Variants in KIF5A observed in about 807,000 individuals in gnomAD.
The protein encoded by KIF5A is kinesin family member 5A.
Under a neutral mutation model 141.3 loss-of-function variants are expected in KIF5A, and 35 were observed. That is an observed-to-expected ratio of 0.25 (90% CI 0.19 to 0.33). The LOEUF (loss-of-function observed/expected upper bound fraction) is 0.33. Among genes scored for constraint, KIF5A ranks in the 10% least tolerant of loss-of-function variants. The pLI is 1.00. For missense variants in KIF5A, 861 were observed against 1,314.3 expected (o/e 0.66, Z 5.33); for synonymous variants, 448 against 500.2 (o/e 0.90, Z 1.39).
chr12:57,578,379 G>T, intron 23 of KIF5A, 37 bp downstream of exon 23: 1 of 1,443,198 alleles, frequency 6.9e-7, no homozygotes, highest in Non-Finnish European at 9.8e-7. Context: ...GAATTTTTGA[G>T]GCCGGGTAGC....
intron 15 of KIF5A, among the ~76,000 whole-genome samples, chr12:57,573,988 C>T (rs929330075): frequency 1.3e-5 from 2 of 149,384 alleles, no homozygotes; most frequent in African/African-American, 4.9e-5. Flanking sequence ...GAGGCTGAGG[C>T]AGGAGAATGG....
At chr12:57,562,580 A>G (rs1002782203) in intron 1 of KIF5A, among the ~76,000 whole-genome samples, 8 of 152,204 alleles carry the variant, frequency 5.3e-5, no homozygotes, top group South Asian at 2.1e-4. Context: ...CTGATTTCAT[A>G]TATTCCTTTC....
chr12:57,578,385 G>A, intron 23 of KIF5A, 43 bp downstream of exon 23: 1 of 1,365,320 alleles, frequency 7.3e-7, no homozygotes, highest in Admixed American at 1.7e-5. Context: ...TTGAGGCCGG[G>A]TAGCTAGCAT....
At position 57,572,159 on chromosome 12, in the gene KIF5A, G is replaced by C. The variant is rs750932223; in HGVS notation, c.1461G>C (p.Val487=). ...CCGCTAAGGATGAGGTGAAGGAAGTGCTGCAGGCCCTGGAGGAGCTGGCTG... is the reference window on the plus strand; with the variant it reads ...CCGCTAAGGATGAGGTGAAGGAAGTCCTGCAGGCCCTGGAGGAGCTGGCTG... ...NDAAKDEVKE[V]LQALEELAVN... The change falls in exon 14 of 29, where the codon GTG becomes GTC. Residue 487 remains valine, a synonymous_variant. Transcript: ENST00000455537. This position sits in a 1 kb window ranked among gnomAD's most constrained non-coding sequence, Gnocchi z 4.2. The C allele has an allele frequency of 1.9e-6, 3 of 1,613,996 alleles. No homozygotes were observed. Among genetic ancestry groups the C allele is most frequent in the Non-Finnish European group, 2.5e-6 (3 of 1,180,004 alleles).
rs1315133685 is a variant in KIF5A at position 57,583,221 on chromosome 12, G to A, written c.*36+6G>A. ...CTGCATACCTGCACTTTCAGGTAGCGTCAGGCTGCTTCCTCGGACCAGCCT... is the reference window on the plus strand; with the variant it reads ...CTGCATACCTGCACTTTCAGGTAGCATCAGGCTGCTTCCTCGGACCAGCCT... On this transcript the variant is annotated splice_donor_region_variant and intron_variant, in intron 28 of 28. Transcript: ENST00000455537. 4 of 1,552,004 alleles carry A rather than the reference G, an allele frequency of 2.6e-6. No homozygotes were observed. Among genetic ancestry groups the A allele is most frequent in the East Asian group, 4.6e-5 (2 of 43,828 alleles).
chr12:57,563,609 G>C lies in KIF5A; in HGVS notation c.218-11G>C. 4 of 1,613,930 alleles carry C rather than the reference G, an allele frequency of 2.5e-6. No individual in the cohort carries two copies. The highest frequency in any genetic ancestry group is 2.5e-6 in the Non-Finnish European group (3 of 1,179,876). ...TCTCCACCAGTACTCTTTCTCTACT[G>C]TCTCTTCCAGATGTCCTTGCTGGCT... On this transcript the variant is annotated splice_polypyrimidine_tract_variant and intron_variant, in intron 2 of 28. Coordinates refer to ENST00000455537, the MANE Select transcript of KIF5A (RefSeq NM_004984.4).
chr12:57,569,530 C>T lies in KIF5A; in HGVS notation c.969-5C>T, dbSNP rs1372832697. On this transcript the variant is annotated splice_region_variant and splice_polypyrimidine_tract_variant and intron_variant, in intron 10 of 28. Coordinates refer to ENST00000455537, the MANE Select transcript of KIF5A (RefSeq NM_004984.4). ...CATTTCTTTGTTCCTCTTCTCCTCA[C>T]CCAGGGCAAAGACCATTAAGAACAC... is the stretch of plus-strand genomic sequence containing the variant. 2 of 1,614,126 alleles carry T rather than the reference C, an allele frequency of 1.2e-6. No homozygotes were observed. Among genetic ancestry groups the T allele is most frequent in the Admixed American group, 1.7e-5 (1 of 60,018 alleles).
intron 12 of KIF5A, 80 bp from the exon 13 acceptor site, chr12:57,571,241 G>C (rs1882245691): frequency 1.2e-6 from 1 of 850,422 alleles, no homozygotes; most frequent in African/African-American, 1.7e-5. Flanking sequence ...TCAGGATCCT[G>C]CCTCTACCCC....
intron 25 of KIF5A, 35 bp downstream of exon 25, chr12:57,581,603 CA>C: frequency 6.2e-7 from 1 of 1,611,694 alleles, no homozygotes. Flanking sequence ...GAGTCCCACC[CA>C]AAGCTCCCTG....
intron 1 of KIF5A, among the ~76,000 whole-genome samples, chr12:57,560,519 G>A (rs1881877264): frequency 6.6e-6 from 1 of 152,182 alleles, no homozygotes; most frequent in African/African-American, 2.4e-5. Context: ...TCTACACTGG[G>A]TATTACAATG....
chr12:57,569,044 AT>A lies in KIF5A; in HGVS notation c.797del (p.Ile266ThrfsTer19). 6.2e-7 allele frequency: 1 copy of A among 1,613,714 alleles called. No homozygotes were observed. Among genetic ancestry groups the A allele is most frequent in the Non-Finnish European group, 8.5e-7 (1 of 1,179,868 alleles). The part of the protein sequence containing the change: ...NKSLSALGNV[I>X]SALAEGTKSY... ...GTCACTGTCAGCTCTGGGCAATGTG[AT>A]CTCCGCACTGGCTGAGGGCACTGTG... On this transcript the variant is annotated frameshift_variant, in exon 9 of 29. Transcript: ENST00000455537. LOFTEE classifies it high-confidence loss of function.
rs2140161141 is a variant in KIF5A, at chr12:57,567,058, A to T, written c.502-68A>T. ...ATCTCAAAAGAAAATAATAATAATA[A>T]AAATAAATAAATAAATACAAACTTA... is the stretch of plus-strand genomic sequence containing the variant. On this transcript the variant is annotated intron_variant, in intron 6 of 28. Coordinates refer to ENST00000455537, the MANE Select transcript of KIF5A (RefSeq NM_004984.4). 8.1e-6 allele frequency: 7 copies of T among 866,412 alleles called. No individual in the cohort carries two copies. In the South Asian group the frequency reaches 1.2e-4, roughly 15 times the overall value. 53.7% of individuals were successfully genotyped at this position (866,412 alleles called of 1,614,324 possible). A position where few individuals can be genotyped will look rare whatever the true frequency, so the allele number is the denominator to read the frequency against.
At chr12:57,552,277 T>A (rs1406488587) in intron 1 of KIF5A, among the ~76,000 whole-genome samples, 1 of 151,904 alleles carries the variant, frequency 6.6e-6, no homozygotes, top group Non-Finnish European at 1.5e-5. Context: ...CAGGGGGTGA[T>A]GTTGGTAAGA....
At chr12:57,565,169 C>T (rs917446865) in intron 6 of KIF5A, among the ~76,000 whole-genome samples, 196 bp downstream of exon 6, 5 of 152,166 alleles carry the variant, frequency 3.3e-5, no homozygotes, top group African/African-American at 1.2e-4. Flanking sequence ...CCTGTAATCC[C>T]AGCACTTTGG....
chr12:57,553,937 A>AT (rs1380043813), intron 1 of KIF5A, among the ~76,000 whole-genome samples: 1 of 152,188 alleles, frequency 6.6e-6, no homozygotes, highest in Non-Finnish European at 1.5e-5. Flanking sequence ...ACTATTTCTC[A>AT]TTAACAACTC....
chr12:57,562,339 C>T (rs375858069), intron 1 of KIF5A, among the ~76,000 whole-genome samples: 27 of 152,292 alleles, frequency 1.8e-4, no homozygotes, highest in Middle Eastern at 3.4e-3. Flanking sequence ...CCTCAGCCTC[C>T]GGCGTAGCTG....
intron 24 of KIF5A, 107 bp from the exon 25 acceptor site, chr12:57,581,308 T>A: frequency 6.4e-7 from 1 of 1,551,620 alleles, no homozygotes. Flanking sequence ...AGTAAAAAAG[T>A]GATTATGTTA....
chr12:57,550,918 T>C lies in KIF5A; in HGVS notation c.129+518T>C, dbSNP rs1356609827. ...TTCCCTAAAGTAGTTATAGCCTGGA[T>C]TTTTGTGTGTGTGTTGTGGGGAGTA... On this transcript the variant is annotated intron_variant, in intron 1 of 28. Coordinates refer to ENST00000455537, the MANE Select transcript of KIF5A (RefSeq NM_004984.4). This position sits in a 1 kb window ranked among gnomAD's most constrained non-coding sequence, Gnocchi z 4.6. Among the ~76,000 whole-genome samples the C allele has an allele frequency of 6.6e-6, 1 of 152,060 alleles. No individual in the cohort carries two copies. The highest frequency in any genetic ancestry group is 2.4e-5 in the African/African-American group (1 of 41,406).
In KIF5A at chr12:57,567,629, C is replaced by T. The variant is rs759607800; in HGVS notation, c.714+11C>T. 6.2e-7 allele frequency: 1 copy of T among 1,607,114 alleles called. No homozygotes were observed. The highest frequency in any genetic ancestry group is 8.5e-7 in the Non-Finnish European group (1 of 1,177,492). On this transcript the variant is annotated intron_variant, in intron 8 of 28. Transcript: ENST00000455537. ...GCAGGGAGTGAGAAGGTAGGGGGTC[C>T]TGTGGATATGGGGTGGGTGGAAGCC...
Sources: gnomAD v4.1 joint callset for allele counts (sites outside exome capture counted in the v4.1 genomes callset) on GRCh38, gnomAD v4.1.1 for gene constraint, Gnocchi (gnomAD v3.1) non-coding constraint, MANE v1.5 for transcripts, NCBI Gene and HGNC (gene_info 2026-07-23, HGNC 2026-07-21) for gene names.